Variants in SLC14A2 observed in about 807,000 individuals in gnomAD.
SLC14A2 encodes the protein urea transporter 2.
A neutral mutation model predicts 104.6 loss-of-function variants in SLC14A2; 91 were observed. That is an observed-to-expected ratio of 0.87 (90% CI 0.73 to 1.04). SLC14A2 has a LOEUF of 1.04. Ranked by LOEUF, SLC14A2 falls within the 50% of genes least tolerant of loss-of-function variation. The pLI is 0.00. For missense variants in SLC14A2, 1,189 were observed against 1,156.0 expected (o/e 1.03, Z -0.41); for synonymous variants, 476 against 466.4 (o/e 1.02, Z -0.27).
intron 2 of SLC14A2, among the ~76,000 whole-genome samples, chr18:45,516,223 T>A (rs1598948761): frequency 6.6e-6 from 1 of 152,174 alleles, no homozygotes; most frequent in East Asian, 1.9e-4. Context: ...CACTACTGTT[T>A]CCCTTCCTTC....
At chr18:45,327,860 G>C (rs559264773) in intron 1 of SLC14A2, among the ~76,000 whole-genome samples, 1 of 152,250 alleles carries the variant, frequency 6.6e-6, no homozygotes, top group African/African-American at 2.4e-5. Flanking sequence ...GAATGATAAG[G>C]CTTGGTAAAT....
At chr18:45,584,264 G>C (rs112903756) in intron 2 of SLC14A2, among the ~76,000 whole-genome samples, 3 of 152,120 alleles carry the variant, frequency 2.0e-5, no homozygotes, top group African/African-American at 7.2e-5. Flanking sequence ...GGCAGAAATG[G>C]TACTTGTCTT....
In SLC14A2 at chr18:45,223,403, G is replaced by A. The variant is rs145800746; in HGVS notation, c.-125+10212G>A. On this transcript the variant is annotated intron_variant, in intron 1 of 20. Coordinates refer to the SLC14A2 transcript ENST00000586448. ...CATATGTGTGTGTGTCTCTGTGTGT[G>A]TGGTCTCCTACCTAGAACACAAGGG... Among the ~76,000 whole-genome samples the A allele has an allele frequency of 1.5e-3, 232 of 152,272 alleles. 2 individuals are homozygous for A. The highest frequency in any genetic ancestry group is 5.4e-3 in the African/African-American group (226 of 41,552).
intron 1 of SLC14A2, among the ~76,000 whole-genome samples, chr18:45,286,034 C>G (rs1313309660): frequency 6.6e-6 from 1 of 152,206 alleles, no homozygotes; most frequent in Admixed American, 6.5e-5. Flanking sequence ...AGTAGCACAA[C>G]TAGAAGTTGG....
chr18:45,620,533 A>T (rs1426002767), intron 1 of SLC14A2, among the ~76,000 whole-genome samples: 1 of 152,170 alleles, frequency 6.6e-6, no homozygotes, highest in Non-Finnish European at 1.5e-5. Flanking sequence ...TCCCTTGTGC[A>T]ATAATAATAA....
chr18:45,623,136 G>A lies in SLC14A2; in HGVS notation c.-34-1495G>A, dbSNP rs149790658. Among the ~76,000 whole-genome samples, 5 of 152,238 alleles carry A rather than the reference G, an allele frequency of 3.3e-5. No homozygotes were observed. The East Asian group carries it at 9.7e-4, about 30-fold the overall frequency. The stretch of plus-strand genomic sequence containing the variant: ...AGGTGGTTGTGGGAGCTGAAGGGCT[G>A]TCAGAGGGGTCACCTGAGCAGGTGA... On this transcript the variant is annotated intron_variant, in intron 1 of 19. Transcript: ENST00000255226.
intron 1 of SLC14A2, among the ~76,000 whole-genome samples, chr18:45,279,246 AGAAATAGGAAGACCCT>A (rs1211330733): frequency 6.6e-6 from 1 of 152,236 alleles, no homozygotes; most frequent in Non-Finnish European, 1.5e-5. Flanking sequence ...ATTATGAAGG[AGAAATAGGAAGACCCT>A]GAAATTTATG....
chr18:45,536,485 G>C (rs1321625776), intron 2 of SLC14A2, among the ~76,000 whole-genome samples: 1 of 152,152 alleles, frequency 6.6e-6, no homozygotes, highest in African/African-American at 2.4e-5. Flanking sequence ...CTGTTGGCTT[G>C]TGGATGCATC....
intron 1 of SLC14A2, among the ~76,000 whole-genome samples, chr18:45,302,007 C>T (rs1405083619): frequency 6.6e-6 from 1 of 152,168 alleles, no homozygotes; most frequent in African/African-American, 2.4e-5. Context: ...AGTCTCACTC[C>T]CTCTGTTGGG....
chr18:45,502,714 A>G (rs2043217284), intron 2 of SLC14A2, among the ~76,000 whole-genome samples: 1 of 152,202 alleles, frequency 6.6e-6, no homozygotes, highest in Non-Finnish European at 1.5e-5. Context: ...GCATCTAGTC[A>G]ATGTAATAAA....
At chr18:45,277,871 T>G (rs1214267668) in intron 1 of SLC14A2, among the ~76,000 whole-genome samples, 1 of 152,238 alleles carries the variant, frequency 6.6e-6, no homozygotes, top group Non-Finnish European at 1.5e-5. Flanking sequence ...GGTTTCCTTT[T>G]TCCTACCTTC....
At chr18:45,441,300 C>T (rs962933752) in intron 1 of SLC14A2, among the ~76,000 whole-genome samples, 4 of 152,170 alleles carry the variant, frequency 2.6e-5, no homozygotes, top group Non-Finnish European at 5.9e-5. Flanking sequence ...CTACATGTGC[C>T]CTCTTGTGGA....
intron 1 of SLC14A2, among the ~76,000 whole-genome samples, chr18:45,619,267 C>A (rs529554403): frequency 6.6e-6 from 1 of 152,324 alleles, no homozygotes; most frequent in African/African-American, 2.4e-5. Context: ...GGCAGGGCAG[C>A]CGCTCTGTGC....
At chr18:45,455,606 C>T in intron 1 of SLC14A2, among the ~76,000 whole-genome samples, 1 of 151,618 alleles carries the variant, frequency 6.6e-6, no homozygotes, top group Admixed American at 6.6e-5. Context: ...AACAAAACTG[C>T]ACATTCTGCC....
Position 45,682,831 on chromosome 18 carries a change from A to G in SLC14A2, c.*312A>G. On this transcript the variant is annotated 3_prime_UTR_variant, in exon 20 of 20. Coordinates refer to ENST00000255226, the MANE Select transcript of SLC14A2 (RefSeq NM_007163.4). ...AGTCACCGGCCGGGCACGGTGGCTC[A>G]CGCCTGTAATCCCAGCACTTTGGGA... 1 of 315,170 alleles carries G rather than the reference A, an allele frequency of 3.2e-6. No individual in the cohort carries two copies. The highest frequency in any genetic ancestry group is 6.2e-6 in the Non-Finnish European group (1 of 161,564). The allele number at this position is 315,170 out of a possible 1,614,324, so 19.5% of individuals were successfully genotyped here. A position where few individuals can be genotyped will look rare whatever the true frequency, so the allele number is the denominator to read the frequency against.
intron 13 of SLC14A2, among the ~76,000 whole-genome samples, chr18:45,667,352 A>G (rs988599879): frequency 3.9e-5 from 6 of 152,164 alleles, no homozygotes; most frequent in Non-Finnish European, 8.8e-5. Context: ...GCTATCTCAA[A>G]TATCCCATCT....
chr18:45,227,204 G>A (rs1421119380), intron 1 of SLC14A2, among the ~76,000 whole-genome samples: 2 of 152,116 alleles, frequency 1.3e-5, no homozygotes, highest in Non-Finnish European at 2.9e-5. Flanking sequence ...AGGAATGCAG[G>A]AATTTATCTC....
chr18:45,627,818 T>C (rs559108105), intron 4 of SLC14A2, among the ~76,000 whole-genome samples: 5 of 152,214 alleles, frequency 3.3e-5, no homozygotes, highest in African/African-American at 1.2e-4. Context: ...GAAGCCAGTC[T>C]GGCCAACATG....
chr18:45,299,605 G>A (rs1010765001), intron 1 of SLC14A2, among the ~76,000 whole-genome samples: 1 of 152,154 alleles, frequency 6.6e-6, no homozygotes, highest in Non-Finnish European at 1.5e-5. Flanking sequence ...GGGACTGCAG[G>A]CACACATCAC....
Sources: gnomAD v4.1 joint callset for allele counts (sites outside exome capture counted in the v4.1 genomes callset) on GRCh38, gnomAD v4.1.1 for gene constraint, MANE v1.5 for transcripts, NCBI Gene and HGNC (gene_info 2026-07-23, HGNC 2026-07-21) for gene names.